The following BRWD1 variants were observed in gnomAD, a reference collection of about 807,000 sequenced individuals.
BRWD1 encodes bromodomain and WD repeat domain containing 1.
A neutral mutation model predicts 251.2 loss-of-function variants in BRWD1; 82 were observed. The ratio of observed to expected loss-of-function variants is 0.33; its 90% confidence interval spans 0.27 to 0.39. The LOEUF (loss-of-function observed/expected upper bound fraction) is 0.39, where lower values mean the gene tolerates loss of function less well. Among genes scored for constraint, BRWD1 ranks in the 10% least tolerant of loss-of-function variants. BRWD1 has a pLI of 1.00. For synonymous variants in BRWD1, 918 were observed against 902.8 expected, an observed-to-expected ratio of 1.02 and a Z score of -0.30; for missense variants, 2,233 against 2,711.6, an observed-to-expected ratio of 0.82 and a Z score of 3.92.
intron 40 of BRWD1, among the ~76,000 whole-genome samples, 200 bp from the exon 41 acceptor site, chr21:39,197,615 G>A (rs183819212): frequency 6.4e-4 from 98 of 152,224 alleles, no homozygotes; most frequent in African/African-American, 2.2e-3. Context: ...AGGCTATTTC[G>A]TCTTAAGCAA....
chr21:39,310,286 C>T (rs1468878145), intron 4 of BRWD1, among the ~76,000 whole-genome samples: 6 of 152,154 alleles, frequency 3.9e-5, no homozygotes, highest in African/African-American at 1.2e-4. Flanking sequence ...GACACAGAGG[C>T]GGGCAGATCA....
intron 31 of BRWD1, among the ~76,000 whole-genome samples, chr21:39,215,993 C>A (rs113326985): frequency 6.6e-6 from 1 of 152,012 alleles, no homozygotes; most frequent in Non-Finnish European, 1.5e-5. Flanking sequence ...GAGCAAGACT[C>A]TCTCAAAAAC....
intron 8 of BRWD1, among the ~76,000 whole-genome samples, chr21:39,283,282 A>C (rs1270108808): frequency 2.0e-5 from 3 of 152,160 alleles, no homozygotes; most frequent in Non-Finnish European, 4.4e-5. Flanking sequence ...AAATACGCTG[A>C]TTTTATAGCA....
At position 39,228,249 on chromosome 21, in the gene BRWD1, T is replaced by C. The variant is rs191387439; in HGVS notation, c.3208+251A>G. On this transcript the variant is annotated intron_variant, in intron 27 of 40. Coordinates refer to ENST00000342449, the MANE Select transcript of BRWD1 (RefSeq NM_033656.4). ...GTTGCAGTGAGCTGAGATCACACCA[T>C]TGCACTCCAGCCTGGGTGACCTAGG... 5.1e-3 allele frequency among the ~76,000 whole-genome samples: 782 copies of C among 152,138 alleles called. 8 individuals carry two copies. The highest frequency in any genetic ancestry group is 9.1e-3 in the Non-Finnish European group (619 of 67,984).
intron 4 of BRWD1, among the ~76,000 whole-genome samples, chr21:39,309,551 G>A (rs565813529): frequency 1.3e-3 from 200 of 150,900 alleles, no homozygotes; most frequent in African/African-American, 4.7e-3. Flanking sequence ...GAGGCCGGGC[G>A]CGGTGGCTCA....
upstream of BRWD1, chr21:39,313,671 CG>C: frequency 2.4e-6 from 1 of 425,048 alleles, no homozygotes; most frequent in East Asian, 4.4e-5. Context: ...AGTTCCTCCG[CG>C]GGAGACGAAA....
chr21:39,257,203 A>T (rs896181583), intron 18 of BRWD1, among the ~76,000 whole-genome samples: 11 of 41,238 alleles, frequency 2.7e-4, no homozygotes, highest in Non-Finnish European at 4.2e-4. Flanking sequence ...GAAGCTATTT[A>T]AAAAAAAAAA....
intron 32 of BRWD1, among the ~76,000 whole-genome samples, chr21:39,213,958 T>G (rs1350570672): frequency 6.6e-6 from 1 of 150,812 alleles, no homozygotes; most frequent in Non-Finnish European, 1.5e-5. Flanking sequence ...GGAATTGAAA[T>G]TAAAGCAAAT....
chr21:39,305,167 C>T (rs1251025603), intron 4 of BRWD1, among the ~76,000 whole-genome samples: 3 of 152,016 alleles, frequency 2.0e-5, no homozygotes, highest in Non-Finnish European at 2.9e-5. Context: ...CAAGGTTGAT[C>T]AGGCTGGTCT....
rs2031536534 is a variant in BRWD1, at chr21:39,191,264, T to C, written c.*4995A>G. 2.5e-5 allele frequency: 25 copies of C among 985,116 alleles called. 1 individual carries two copies. The highest frequency in any genetic ancestry group is 2.5e-5 in the Non-Finnish European group (21 of 829,888). 61.0% of individuals were successfully genotyped at this position (985,116 alleles called of 1,614,324 possible). ...GCTTCAGTTCCCCTATCCAAGCTCATATGTAAAACTCACAGCGCTCGCACC... is the reference window on the plus strand; with the variant it reads ...GCTTCAGTTCCCCTATCCAAGCTCACATGTAAAACTCACAGCGCTCGCACC... On this transcript the variant is annotated 3_prime_UTR_variant, in exon 41 of 41. Coordinates refer to ENST00000342449, the MANE Select transcript of BRWD1 (RefSeq NM_033656.4).
chr21:39,311,994 C>A (rs1348785248), intron 4 of BRWD1, among the ~76,000 whole-genome samples: 1 of 152,168 alleles, frequency 6.6e-6, no homozygotes, highest in Admixed American at 6.5e-5. Context: ...ATACAAGATG[C>A]TGAATATGGC....
Position 39,191,168 on chromosome 21 carries a change from G to A in BRWD1, c.*5091C>T. The stretch of plus-strand genomic sequence containing the variant: ...CTTGTTTTCAATCTACCCTATTACT[G>A]TACTACTGGAAAGAAACCAGGCCAC... On this transcript the variant is annotated 3_prime_UTR_variant, in exon 41 of 41. Coordinates refer to ENST00000342449, the MANE Select transcript of BRWD1 (RefSeq NM_033656.4). The A allele has an allele frequency of 1.0e-6, 1 of 985,242 alleles. No homozygotes were observed. Among genetic ancestry groups the A allele is most frequent in the Non-Finnish European group, 1.2e-6 (1 of 829,882 alleles). The allele number at this position is 985,242 out of a possible 1,614,324, so 61.0% of individuals were successfully genotyped here. A position where few individuals can be genotyped will look rare whatever the true frequency, so the allele number is the denominator to read the frequency against.
chr21:39,264,437 A>T, intron 17 of BRWD1, 23 bp downstream of exon 17: 1 of 1,428,580 alleles, frequency 7.0e-7, no homozygotes, highest in Non-Finnish European at 9.4e-7. Context: ...TTAAAAAAAA[A>T]AAAAAAAAAA....
At position 39,195,141 on chromosome 21, in the gene BRWD1, T is replaced by C. The variant is rs1387662195; in HGVS notation, c.*1118A>G. The C allele has an allele frequency of 9.9e-6, 11 of 1,108,876 alleles. No homozygotes were observed. The highest frequency in any genetic ancestry group is 1.1e-5 in the Non-Finnish European group (10 of 907,634). 68.7% of individuals were successfully genotyped at this position (1,108,876 alleles called of 1,614,324 possible). On this transcript the variant is annotated 3_prime_UTR_variant, in exon 41 of 41. Coordinates refer to ENST00000342449, the MANE Select transcript of BRWD1 (RefSeq NM_033656.4). The stretch of plus-strand genomic sequence containing the variant: ...TTCTTATATTTGGACTAGAAGTCAC[T>C]AATAAAGATACATTTAGTTGCCCCA...
chr21:39,193,339 GGAATTATTT>G lies in BRWD1; in HGVS notation c.*2911_*2919del. The G allele has an allele frequency of 1.0e-6, 1 of 984,906 alleles. No homozygotes were observed. Among genetic ancestry groups the G allele is most frequent in the Non-Finnish European group, 1.2e-6 (1 of 829,558 alleles). 61.0% of individuals were successfully genotyped at this position (984,906 alleles called of 1,614,324 possible). A position where few individuals can be genotyped will look rare whatever the true frequency, so the allele number is the denominator to read the frequency against. On this transcript the variant is annotated 3_prime_UTR_variant, in exon 41 of 41. Transcript: ENST00000342449. ...CTTACAAAAAGGGAGGCTGACCTTA[GGAATTATTT>G]GAATATGGGATAAACTTTTCCTTTT...
At chr21:39,225,508 C>A (rs1296501136) in intron 27 of BRWD1, among the ~76,000 whole-genome samples, 1 of 152,048 alleles carries the variant, frequency 6.6e-6, no homozygotes, top group Admixed American at 6.6e-5. Context: ...TCCTTCTTAC[C>A]CTTCCCACCA....
intron 27 of BRWD1, 33 bp downstream of exon 27, chr21:39,228,467 A>C: frequency 7.1e-7 from 1 of 1,411,220 alleles, no homozygotes; most frequent in Non-Finnish European, 1.0e-6. Context: ...TTAATTTTTA[A>C]GGGTATATAA....
At chr21:39,241,775 C>T (rs2034012154) in intron 21 of BRWD1, among the ~76,000 whole-genome samples, 1 of 151,956 alleles carries the variant, frequency 6.6e-6, no homozygotes, top group Non-Finnish European at 1.5e-5. Context: ...TTTATTGGTG[C>T]CATTTTTAAA....
rs778711641 is a variant in BRWD1 at position 39,229,331 on chromosome 21, C to T, written c.3106G>A (p.Asp1036Asn). Residue 1036 changes from aspartate to asparagine, a missense_variant, in exon 26 of 41, where the codon GAC becomes AAC. Around this residue, in one of 12 missense-constraint regions of BRWD1, gnomAD observed 139 missense variants for 272.8 expected, o/e 0.51. Transcript: ENST00000342449. ...FIDPATGKLM[D>N]KSFSIRYHDM... ...ACATACCTAATAGAGAAAGATTTGT[C>T]CATAAGTTTTCCAGTTGCTGGATCT... 5.6e-6 allele frequency: 9 copies of T among 1,601,570 alleles called. No individual in the cohort carries two copies. In the Admixed American group the frequency reaches 1.3e-4, roughly 24 times the overall value.
Sources: allele counts gnomAD v4.1 joint callset (sites outside exome capture counted in the v4.1 genomes callset), GRCh38; gene constraint gnomAD v4.1.1; regional missense constraint gnomAD v4.1.1; transcripts MANE v1.5; gene names NCBI Gene and HGNC (gene_info 2026-07-23, HGNC 2026-07-21).